Variants in TET3 observed in about 807,000 individuals in gnomAD.
TET3 encodes tet methylcytosine dioxygenase 3.
Under a neutral mutation model 141.4 loss-of-function variants are expected in TET3, and 19 were observed. The observed-to-expected ratio is 0.13, with a 90% CI of 0.09 to 0.20. The LOEUF is 0.20. Among genes scored for constraint, TET3 ranks in the 10% least tolerant of loss-of-function variants. The probability of loss-of-function intolerance (pLI) is 1.00; values close to 1 mark genes in which losing one functional copy is unlikely to be tolerated. For synonymous variants in TET3, 1,043 were observed against 980.9 expected, an observed-to-expected ratio of 1.06 and a Z score of -1.18; for missense variants, 1,874 against 2,356.9, an observed-to-expected ratio of 0.80 and a Z score of 4.24.
At chr2:74,033,986 C>T (rs1277150829) in intron 3 of TET3, among the ~76,000 whole-genome samples, 2 of 152,024 alleles carry the variant, frequency 1.3e-5, no homozygotes, top group Non-Finnish European at 2.9e-5. Context: ...ATCCTAGCTA[C>T]TTGGGAGGCT....
At chr2:74,109,515 G>A (rs1691651411), downstream of TET3, among the ~76,000 whole-genome samples, 2 of 152,110 alleles carry the variant, frequency 1.3e-5, no homozygotes, top group South Asian at 4.2e-4. Flanking sequence ...AATCATCCCT[G>A]TATCACCAAA....
At chr2:74,033,502 A>G (rs1686864873) in intron 3 of TET3, among the ~76,000 whole-genome samples, 1 of 152,216 alleles carries the variant, frequency 6.6e-6, no homozygotes, top group South Asian at 2.1e-4. Flanking sequence ...CTTATTCCAT[A>G]TCATTTTAAG....
the TET3 span, among the ~76,000 whole-genome samples, chr2:74,118,687 A>G: frequency 6.6e-6 from 1 of 151,962 alleles, no homozygotes; most frequent in Non-Finnish European, 1.5e-5. Context: ...ATACACATAC[A>G]CACACACATA....
At chr2:73,996,311 C>T (rs1203687763) in intron 2 of TET3, among the ~76,000 whole-genome samples, 2 of 152,008 alleles carry the variant, frequency 1.3e-5, no homozygotes, top group Non-Finnish European at 2.9e-5. Context: ...AGGAAAGAGA[C>T]CCCTTCATCT....
At chr2:74,134,784 C>G in the TET3 span, 2 of 456,596 alleles carry the variant, frequency 4.4e-6, no homozygotes, top group Non-Finnish European at 8.8e-6. Flanking sequence ...CCGTGACCAC[C>G]ACCATGGACT....
upstream of TET3, among the ~76,000 whole-genome samples, chr2:73,984,381 G>A (rs770508476): frequency 4.7e-4 from 72 of 152,220 alleles, no homozygotes; most frequent in Non-Finnish European, 9.4e-4. The surrounding 1 kb of genome is among the most constrained non-coding windows in gnomAD (Gnocchi z 5.6). Flanking sequence ...CGGCCAGGCT[G>A]ACTCGGTACG....
At chr2:73,988,989 A>AATTT (rs1558689017) in intron 2 of TET3, among the ~76,000 whole-genome samples, 12 of 128,882 alleles carry the variant, frequency 9.3e-5, no homozygotes, top group East Asian at 4.7e-4. Context: ...AAAAAAAAAA[A>AATTT]GTTTTTTTTG....
Position 74,035,744 on chromosome 2 carries a change from G to T in TET3, c.361-10534G>T, listed in dbSNP as rs1687016377. On this transcript the variant is annotated intron_variant, in intron 3 of 11. Transcript: ENST00000409262. ...TCTGTTTCAAAAAAAGTATGTGGTGGCTCCTGCCTGTAATCCCAACACTTT... is the reference window on the plus strand; with the variant it reads ...TCTGTTTCAAAAAAAGTATGTGGTGTCTCCTGCCTGTAATCCCAACACTTT... Among the ~76,000 whole-genome samples the T allele has an allele frequency of 2.0e-5, 3 of 147,248 alleles. No homozygotes were observed. In the Admixed American group the frequency reaches 2.0e-4, roughly 10 times the overall value.
intron 4 of TET3, among the ~76,000 whole-genome samples, chr2:74,053,378 G>A (rs1351899791): frequency 3.3e-5 from 5 of 152,156 alleles, no homozygotes; most frequent in Non-Finnish European, 5.9e-5. Flanking sequence ...AGTTTAGGAC[G>A]GAGAATGAAT....
chr2:74,073,739 T>C, intron 5 of TET3, 100 bp downstream of exon 5: 1 of 939,014 alleles, frequency 1.1e-6, no homozygotes. Flanking sequence ...ACAGACAATA[T>C]ACAGAAAGGA....
Position 74,080,501 on chromosome 2 carries a change from T to C in TET3, c.2589T>C (p.Tyr863=), listed in dbSNP as rs555438741. 188 of 1,611,836 alleles carry C rather than the reference T, an allele frequency of 1.2e-4. 1 individual carries two copies. In the Middle Eastern group the frequency reaches 1.5e-3, roughly 13 times the overall value. The change falls in exon 6 of 12, where the codon TAT becomes TAC. Residue 863 remains tyrosine (Y), a synonymous_variant. Coordinates refer to ENST00000409262, the MANE Select transcript of TET3 (RefSeq NM_001287491.2). ...ASIRELMEER[Y]GEKGKAIRIE... Reference sequence around the variant, plus strand: ...TGGCTTCTGTCTCCCTCTTCAGGTATGGAGAGAAGGGGAAAGCCATCCGGA... The same window carrying C: ...TGGCTTCTGTCTCCCTCTTCAGGTACGGAGAGAAGGGGAAAGCCATCCGGA...
At chr2:74,111,354 T>C (rs1691699659), downstream of TET3, among the ~76,000 whole-genome samples, 1 of 152,188 alleles carries the variant, frequency 6.6e-6, no homozygotes, top group African/African-American at 2.4e-5. Flanking sequence ...GGGTGGCTCT[T>C]TGGTAAGGTC....
the TET3 span, among the ~76,000 whole-genome samples, chr2:74,124,957 T>TAA: frequency 5.4e-4 from 65 of 120,566 alleles, no homozygotes; most frequent in African/African-American, 1.8e-3. Context: ...GGTTAAAAAC[T>TAA]AAAAAAAAAA....
At position 74,048,010 on chromosome 2, in the gene TET3, G is replaced by C; in HGVS notation, c.2093G>C (p.Gly698Ala). The C allele has an allele frequency of 3.1e-6, 5 of 1,608,688 alleles. No homozygotes were observed. The highest frequency in any genetic ancestry group is 4.2e-6 in the Non-Finnish European group (5 of 1,177,282). ...PMTALQPGST[G>A]PLPPADDKLE... Reference sequence around the variant, plus strand: ...ACAGCCTTGCAGCCAGGCTCCACTGGCCCTCTTCCCCCTGCCGATGACAAG... The same window carrying C: ...ACAGCCTTGCAGCCAGGCTCCACTGCCCCTCTTCCCCCTGCCGATGACAAG... Residue 698 changes from glycine to alanine, a missense_variant, in exon 4 of 12, where the codon GGC (glycine) becomes GCC (alanine). Coordinates refer to ENST00000409262, the MANE Select transcript of TET3 (RefSeq NM_001287491.2).
rs1021380692 is a variant in TET3 at position 74,093,475 on chromosome 2, T to C, written c.3130-54T>C. The C allele has an allele frequency of 3.3e-6, 5 of 1,508,662 alleles. No individual in the cohort carries two copies. The Admixed American group carries it at 7.7e-5, about 23-fold the overall frequency. 93.5% of individuals were successfully genotyped at this position (1,508,662 alleles called of 1,614,324 possible). A position where few individuals can be genotyped will look rare whatever the true frequency, so the allele number is the denominator to read the frequency against. On this transcript the variant is annotated intron_variant, in intron 9 of 11. Transcript: ENST00000409262. This position sits in a 1 kb window ranked among gnomAD's most constrained non-coding sequence, Gnocchi z 4.2. The stretch of plus-strand genomic sequence containing the variant: ...AGACCTGGCCTCCCCAGGTGCAGAA[T>C]CGGGGCCACTCACCTCAGGTCATGT...
At chr2:74,032,533 G>T (rs1287011690) in intron 3 of TET3, among the ~76,000 whole-genome samples, 2 of 111,764 alleles carry the variant, frequency 1.8e-5, no homozygotes, top group African/African-American at 8.8e-5. Context: ...CCCTTGCTGG[G>T]TCTGGCTGAG....
At chr2:74,056,025 T>G (rs1179214562) in intron 4 of TET3, among the ~76,000 whole-genome samples, 2 of 152,198 alleles carry the variant, frequency 1.3e-5, no homozygotes, top group African/African-American at 4.8e-5. Context: ...CAACAGAAAA[T>G]GGACTAAGAA....
In TET3 at chr2:74,038,266, T is replaced by C. The variant is rs1687171141; in HGVS notation, c.361-8012T>C. 2.0e-5 allele frequency among the ~76,000 whole-genome samples: 3 copies of C among 152,314 alleles called. No individual in the cohort carries two copies. The South Asian group carries it at 6.2e-4, about 32-fold the overall frequency. On this transcript the variant is annotated intron_variant, in intron 3 of 11. Coordinates refer to ENST00000409262, the MANE Select transcript of TET3 (RefSeq NM_001287491.2). ...GGAGTGTAGTGAAGAGTTATGTCTC[T>C]TCTTGGATCTGAGAAGGGCATTTTC...
chr2:74,002,298 G>A (rs1342154631), intron 2 of TET3, among the ~76,000 whole-genome samples: 1 of 152,200 alleles, frequency 6.6e-6, no homozygotes, highest in African/African-American at 2.4e-5. Context: ...CCTTGTGACA[G>A]GGCCCGGTGC....
Sources: gnomAD v4.1 joint callset for allele counts (sites outside exome capture counted in the v4.1 genomes callset) on GRCh38, gnomAD v4.1.1 for gene constraint, Gnocchi (gnomAD v3.1) non-coding constraint, MANE v1.5 for transcripts, NCBI Gene and HGNC (gene_info 2026-07-23, HGNC 2026-07-21) for gene names.